The following CALN1 variants were observed in gnomAD, a reference collection of about 807,000 sequenced individuals.
CALN1 encodes calneuron 1, also known as calcium-binding protein 8.
In CALN1, 17 loss-of-function variants were observed where a neutral mutation model predicts 30.6. The observed-to-expected ratio is 0.56, with a 90% CI of 0.38 to 0.83. The LOEUF (loss-of-function observed/expected upper bound fraction) is 0.83. CALN1 is among the 40% of genes least tolerant of loss of function. The pLI is 0.00. For synonymous variants in CALN1, 156 were observed against 131.4 expected, an observed-to-expected ratio of 1.19 and a Z score of -1.28; for missense variants, 291 against 354.9, an observed-to-expected ratio of 0.82 and a Z score of 1.45.
At chr7:71,815,585 A>G (rs1788210020) in intron 5 of CALN1, among the ~76,000 whole-genome samples, 1 of 152,154 alleles carries the variant, frequency 6.6e-6, no homozygotes, top group African/African-American at 2.4e-5. Flanking sequence ...CTAACTGCTA[A>G]GACTCTGTGG....
chr7:72,252,808 A>G (rs2129552185), intron 3 of CALN1, among the ~76,000 whole-genome samples: 1 of 152,202 alleles, frequency 6.6e-6, no homozygotes, highest in African/African-American at 2.4e-5. Context: ...AATATAATAT[A>G]CTATGCCTGC....
At chr7:72,377,910 TGA>T (rs1403195595) in intron 2 of CALN1, among the ~76,000 whole-genome samples, 3 of 152,172 alleles carry the variant, frequency 2.0e-5, no homozygotes, top group Non-Finnish European at 4.4e-5. Flanking sequence ...GCTCTGGGAA[TGA>T]GTGTTAACTT....
intron 3 of CALN1, among the ~76,000 whole-genome samples, chr7:72,248,650 C>G (rs958738821): frequency 1.3e-5 from 2 of 152,104 alleles, no homozygotes; most frequent in Non-Finnish European, 2.9e-5. Flanking sequence ...ATCTCTCCAT[C>G]TCAACATCCT....
chr7:71,986,675 C>CT (rs1225028122), intron 5 of CALN1, among the ~76,000 whole-genome samples: 6 of 152,190 alleles, frequency 3.9e-5, no homozygotes, highest in Admixed American at 3.9e-4. Context: ...GGGAAGAAAA[C>CT]TAAGAGGACA....
At chr7:72,003,032 T>C (rs1415084889) in intron 5 of CALN1, among the ~76,000 whole-genome samples, 2 of 152,146 alleles carry the variant, frequency 1.3e-5, no homozygotes, top group Non-Finnish European at 2.9e-5. Flanking sequence ...TCCTGAGAGA[T>C]TAGATTTTAA....
the CALN1 span, among the ~76,000 whole-genome samples, chr7:72,464,668 G>T: frequency 1.3e-4 from 20 of 152,328 alleles, no homozygotes; most frequent in Non-Finnish European, 2.1e-4. Flanking sequence ...ATTAACAGTT[G>T]CCCCAAGTAA....
intron 5 of CALN1, among the ~76,000 whole-genome samples, chr7:71,980,625 T>C (rs1284093120): frequency 1.3e-5 from 2 of 152,208 alleles, no homozygotes; most frequent in African/African-American, 2.4e-5. Context: ...CAGTGGGCGA[T>C]AGAAGGGCCT....
At chr7:71,976,023 A>G (rs953394377) in intron 5 of CALN1, among the ~76,000 whole-genome samples, 1 of 151,808 alleles carries the variant, frequency 6.6e-6, no homozygotes, top group Non-Finnish European at 1.5e-5. Flanking sequence ...CACTCTAATT[A>G]TGCCAGACTC....
At chr7:71,952,261 G>T (rs543721740) in intron 5 of CALN1, among the ~76,000 whole-genome samples, 3 of 152,240 alleles carry the variant, frequency 2.0e-5, no homozygotes, top group East Asian at 3.9e-4. Context: ...CATGCTTAGG[G>T]TCCTCCCATT....
intron 5 of CALN1, among the ~76,000 whole-genome samples, chr7:72,011,930 A>C (rs921577320): frequency 6.6e-5 from 10 of 152,308 alleles, no homozygotes; most frequent in South Asian, 2.1e-4. Flanking sequence ...CACCATACTC[A>C]GCCCATTTAG....
Position 72,352,162 on chromosome 7 carries a change from G to A in CALN1, c.119+51089C>T, listed in dbSNP as rs199558206. 6.2e-5 allele frequency among the ~76,000 whole-genome samples: 9 copies of A among 146,028 alleles called. No individual in the cohort carries two copies. The East Asian group carries it at 1.7e-3, about 28-fold the overall frequency. On this transcript the variant is annotated intron_variant, in intron 2 of 6. Transcript: ENST00000395275. ...AGCCTGGGTGACACAGCGAGACTCC[G>A]TCTCAAAACAAACAAACAAACAAAA...
At chr7:71,915,054 G>A (rs1794617823) in intron 5 of CALN1, among the ~76,000 whole-genome samples, 1 of 152,218 alleles carries the variant, frequency 6.6e-6, no homozygotes, top group Non-Finnish European at 1.5e-5. Flanking sequence ...CACTTCCTGT[G>A]TTTTGTTTAA....
At chr7:71,994,253 T>A (rs1339827743) in intron 5 of CALN1, among the ~76,000 whole-genome samples, 1 of 152,232 alleles carries the variant, frequency 6.6e-6, no homozygotes, top group Non-Finnish European at 1.5e-5. Context: ...GGCCCATGCC[T>A]ATAATCCCAG....
intron 3 of CALN1, among the ~76,000 whole-genome samples, chr7:72,146,678 A>G (rs575005548): frequency 1.6e-4 from 25 of 152,234 alleles, no homozygotes; most frequent in Non-Finnish European, 2.9e-4. Context: ...CTAACTCAAA[A>G]GAACAAAGAT....
At position 72,119,486 on chromosome 7, in the gene CALN1, C is replaced by A. The variant is rs544341003; in HGVS notation, c.245-13192G>T. The stretch of plus-strand genomic sequence containing the variant: ...GATTTGAGTGAGGACAAAACCAAAC[C>A]ATATCACTTGCATTATATGGTAAAA... On this transcript the variant is annotated intron_variant, in intron 3 of 6. Transcript: ENST00000395275. Among the ~76,000 whole-genome samples the A allele has an allele frequency of 2.6e-5, 4 of 151,130 alleles. No individual in the cohort carries two copies. In the South Asian group the frequency reaches 6.4e-4, roughly 24 times the overall value.
intron 2 of CALN1, among the ~76,000 whole-genome samples, chr7:72,304,635 T>C (rs998967473): frequency 6.6e-6 from 1 of 152,224 alleles, no homozygotes; most frequent in Non-Finnish European, 1.5e-5. Flanking sequence ...TATCTACTTA[T>C]ATTTTGTTTT....
intron 3 of CALN1, among the ~76,000 whole-genome samples, chr7:72,228,146 G>A (rs577166637): frequency 8.6e-5 from 13 of 152,046 alleles, no homozygotes; most frequent in Admixed American, 6.6e-4. Context: ...GCTGCTTAAC[G>A]GGGACTGGGC....
chr7:72,122,923 G>A (rs145051431), intron 3 of CALN1, among the ~76,000 whole-genome samples: 48 of 152,264 alleles, frequency 3.2e-4, no homozygotes, highest in African/African-American at 1.1e-3. Flanking sequence ...AATGATACTC[G>A]TGAAAGCACA....
At chr7:71,970,408 T>G (rs771017249) in intron 5 of CALN1, among the ~76,000 whole-genome samples, 28 of 152,312 alleles carry the variant, frequency 1.8e-4, no homozygotes, top group Non-Finnish European at 2.8e-4. Flanking sequence ...ATTTTCTTAC[T>G]TATCAACTTA....
Sources: allele counts gnomAD v4.1 joint callset (sites outside exome capture counted in the v4.1 genomes callset), GRCh38; gene constraint gnomAD v4.1.1; transcripts MANE v1.5; gene names NCBI Gene and HGNC (gene_info 2026-07-23, HGNC 2026-07-21).